MAN2A1: variants seen among roughly 807,000 people sequenced by gnomAD.
MAN2A1 encodes mannosidase alpha class 2A member 1.
Under a neutral mutation model 142.6 loss-of-function variants are expected in MAN2A1, and 76 were observed. The ratio of observed to expected loss-of-function variants is 0.53; its 90% CI spans 0.44 to 0.65. The LOEUF (loss-of-function observed/expected upper bound fraction) is 0.65, where lower values mean the gene tolerates loss of function less well. Ranked by LOEUF, MAN2A1 falls within the 30% of genes least tolerant of loss-of-function variation. MAN2A1 has a pLI of 0.00. For synonymous variants in MAN2A1, 559 were observed against 473.2 expected (o/e 1.18, Z -2.35); for missense variants, 1,311 against 1,365.1 (o/e 0.96, Z 0.62).
At chr5:109,857,305 T>C (rs937622193) in intron 20 of MAN2A1, among the ~76,000 whole-genome samples, 2 of 152,156 alleles carry the variant, frequency 1.3e-5, no homozygotes, top group African/African-American at 4.8e-5. Flanking sequence ...ATGTTTTTTC[T>C]AGGATTCTGC....
chr5:109,806,811 T>G (rs1226598786), intron 12 of MAN2A1, among the ~76,000 whole-genome samples: 1 of 152,214 alleles, frequency 6.6e-6, no homozygotes, highest in Non-Finnish European at 1.5e-5. Flanking sequence ...ACATGCAGCA[T>G]GCTTGTTTAC....
intron 18 of MAN2A1, among the ~76,000 whole-genome samples, chr5:109,846,332 G>T (rs1179566049): frequency 1.3e-5 from 2 of 152,210 alleles, no homozygotes; most frequent in Non-Finnish European, 2.9e-5. Flanking sequence ...TGGAAACTCA[G>T]ATTCAGAGGT....
intron 5 of MAN2A1, among the ~76,000 whole-genome samples, chr5:109,756,046 C>G (rs1284062853): frequency 6.6e-6 from 1 of 151,914 alleles, no homozygotes. Context: ...TTCCTTATGT[C>G]TGAGCCAGTT....
At chr5:109,834,433 T>TA (rs5870391) in intron 16 of MAN2A1, among the ~76,000 whole-genome samples, 9 of 151,456 alleles carry the variant, frequency 5.9e-5, no homozygotes, top group Non-Finnish European at 8.8e-5. Context: ...ATTAGTACTT[T>TA]AAAAAAAAAA....
At chr5:109,727,823 A>G (rs1485700751) in intron 3 of MAN2A1, among the ~76,000 whole-genome samples, 1 of 152,182 alleles carries the variant, frequency 6.6e-6, no homozygotes, top group Non-Finnish European at 1.5e-5. Flanking sequence ...CTGGGAATCC[A>G]GAGGTGGATC....
intron 17 of MAN2A1, among the ~76,000 whole-genome samples, chr5:109,845,457 A>C: frequency 6.6e-6 from 1 of 152,148 alleles, no homozygotes; most frequent in Admixed American, 6.5e-5. Flanking sequence ...ATAATAAGAG[A>C]TATTTCTTGA....
chr5:109,823,680 G>T, intron 15 of MAN2A1, 43 bp from the exon 16 acceptor site: 2 of 1,013,130 alleles, frequency 2.0e-6, no homozygotes. Context: ...TTAAAAGTTT[G>T]GAAGCCAAAA....
At position 109,869,393 on chromosome 5, in the gene MAN2A1, A is replaced by AG. The variant is rs1233815973; in HGVS notation, c.*2395_*2396insG. ...TTGTTTTCTACAAATACTGATTAAA[A>AG]TAAAATGCTGTAAAATGTGATGTAA... On this transcript the variant is annotated 3_prime_UTR_variant, in exon 22 of 22. Transcript: ENST00000261483. The AG allele has an allele frequency of 6.6e-6, 1 of 152,224 alleles. No individual in the cohort carries two copies. The highest frequency in any genetic ancestry group is 2.4e-5 in the African/African-American group (1 of 41,452). The allele number at this position is 152,224 out of a possible 1,614,324, so 9.4% of individuals were successfully genotyped here. A position where few individuals can be genotyped will look rare whatever the true frequency, so the allele number is the denominator to read the frequency against.
intron 3 of MAN2A1, among the ~76,000 whole-genome samples, chr5:109,720,354 C>T (rs184883150): frequency 8.9e-4 from 136 of 152,238 alleles, no homozygotes; most frequent in African/African-American, 3.1e-3. Flanking sequence ...TTTATTGACT[C>T]AGAGGGTGAT....
intron 8 of MAN2A1, among the ~76,000 whole-genome samples, chr5:109,778,817 G>A (rs1753367006): frequency 6.6e-6 from 1 of 151,976 alleles, no homozygotes; most frequent in Admixed American, 6.6e-5. Flanking sequence ...TGTCTGAACT[G>A]GAAGCATAAA....
At chr5:109,799,853 C>T (rs1204874407) in intron 12 of MAN2A1, among the ~76,000 whole-genome samples, 3 of 151,882 alleles carry the variant, frequency 2.0e-5, no homozygotes, top group African/African-American at 7.3e-5. Flanking sequence ...TTTGGGAGGC[C>T]GAGGTGGGTG....
At chr5:109,694,340 C>A (rs7726501) in intron 1 of MAN2A1, among the ~76,000 whole-genome samples, 1 of 151,438 alleles carries the variant, frequency 6.6e-6, no homozygotes, top group African/African-American at 2.4e-5. Flanking sequence ...AACTTGTATA[C>A]CTTTTTTTTT....
intron 3 of MAN2A1, among the ~76,000 whole-genome samples, chr5:109,723,331 C>G (rs558934087): frequency 5.9e-5 from 9 of 152,186 alleles, no homozygotes; most frequent in Admixed American, 1.3e-4. Context: ...TTTTGGAAAC[C>G]TGGGTTCAAA....
chr5:109,708,509 GACACACACACACACACAC>G (rs145989678), intron 1 of MAN2A1, among the ~76,000 whole-genome samples: 1 of 124,542 alleles, frequency 8.0e-6, no homozygotes, highest in African/African-American at 3.1e-5. Flanking sequence ...GAACTGATAG[GACACACACACACACACAC>G]ACACACACAC....
chr5:109,853,337 A>C (rs952299879), intron 19 of MAN2A1, among the ~76,000 whole-genome samples: 1 of 152,066 alleles, frequency 6.6e-6, no homozygotes, highest in Non-Finnish European at 1.5e-5. Flanking sequence ...ACCTCTCAAG[A>C]TTGTGTAGAT....
intron 1 of MAN2A1, among the ~76,000 whole-genome samples, chr5:109,704,512 G>A (rs1751075861): frequency 1.3e-5 from 2 of 152,064 alleles, no homozygotes. Context: ...TGACAGACAG[G>A]TGGAGATACA....
At chr5:109,729,870 T>C (rs558799341) in intron 4 of MAN2A1, among the ~76,000 whole-genome samples, 1 of 152,146 alleles carries the variant, frequency 6.6e-6, no homozygotes, top group African/African-American at 2.4e-5. Context: ...CTCACGCCTG[T>C]AATTCCAACT....
intron 1 of MAN2A1, among the ~76,000 whole-genome samples, chr5:109,708,472 T>A (rs1751201595): frequency 7.2e-6 from 1 of 139,538 alleles, no homozygotes; most frequent in African/African-American, 2.7e-5. Flanking sequence ...ATGTAAGATG[T>A]TTTATTCAGG....
chr5:109,704,437 G>A (rs541565672), intron 1 of MAN2A1, among the ~76,000 whole-genome samples: 6 of 152,172 alleles, frequency 3.9e-5, no homozygotes, highest in Non-Finnish European at 5.9e-5. Flanking sequence ...AGAAATTCAG[G>A]CATGTTAGGC....
Sources: gnomAD v4.1 joint callset for allele counts (sites outside exome capture counted in the v4.1 genomes callset) on GRCh38, gnomAD v4.1.1 for gene constraint, MANE v1.5 for transcripts, NCBI Gene and HGNC (gene_info 2026-07-23, HGNC 2026-07-21) for gene names.